PTPRD: variants seen among roughly 807,000 people sequenced by gnomAD.
PTPRD encodes receptor-type tyrosine-protein phosphatase delta.
In PTPRD, 34 loss-of-function variants were observed where a neutral mutation model predicts 214.5. That is an observed-to-expected ratio of 0.16 (90% CI 0.12 to 0.21). PTPRD has a LOEUF of 0.21. Among genes scored for constraint, PTPRD ranks in the 10% least tolerant of loss-of-function variants. The pLI is 1.00. For missense variants in PTPRD, 2,545 were observed against 2,398.7 expected, an observed-to-expected ratio of 1.06 and a Z score of -1.27; for synonymous variants, 1,128 against 845.7, an observed-to-expected ratio of 1.33 and a Z score of -5.79.
chr9:9,286,674 T>C (rs1447754134), intron 9 of PTPRD, among the ~76,000 whole-genome samples: 3 of 151,136 alleles, frequency 2.0e-5, no homozygotes, highest in Admixed American at 6.6e-5. Context: ...TTGCAATCCA[T>C]TGGCTCCTTG....
At chr9:8,772,110 TAAAAA>T (rs1415476896) in intron 11 of PTPRD, among the ~76,000 whole-genome samples, 2 of 150,484 alleles carry the variant, frequency 1.3e-5, no homozygotes, top group Admixed American at 6.6e-5. Flanking sequence ...AATTAAAACT[TAAAAA>T]AAAACTATTC....
chr9:8,604,908 C>A (rs1322371836), intron 14 of PTPRD, among the ~76,000 whole-genome samples: 1 of 152,140 alleles, frequency 6.6e-6, no homozygotes, highest in African/African-American at 2.4e-5. Flanking sequence ...CATTTAGGTG[C>A]AAATATCCAG....
chr9:8,851,733 T>C (rs2097819745), intron 11 of PTPRD, among the ~76,000 whole-genome samples: 1 of 152,162 alleles, frequency 6.6e-6, no homozygotes, highest in African/African-American at 2.4e-5. Context: ...TCATTACATG[T>C]ATGGTTATTC....
intron 4 of PTPRD, among the ~76,000 whole-genome samples, chr9:9,995,329 A>T (rs888507455): frequency 6.6e-6 from 1 of 152,196 alleles, no homozygotes; most frequent in East Asian, 1.9e-4. Flanking sequence ...GAGAACAATC[A>T]AACAAAAACA....
At chr9:10,242,261 C>T (rs2091227021) in intron 3 of PTPRD, among the ~76,000 whole-genome samples, 1 of 151,928 alleles carries the variant, frequency 6.6e-6, no homozygotes, top group Non-Finnish European at 1.5e-5. Context: ...TTTGCAATAA[C>T]ATAATTTCTG....
At chr9:9,875,915 G>C (rs762059863) in intron 5 of PTPRD, among the ~76,000 whole-genome samples, 1 of 152,230 alleles carries the variant, frequency 6.6e-6, no homozygotes, top group East Asian at 1.9e-4. Flanking sequence ...GTTTTCTCTA[G>C]TGAATGGAAG....
At chr9:8,749,816 G>T (rs994291287) in intron 11 of PTPRD, among the ~76,000 whole-genome samples, 1 of 152,146 alleles carries the variant, frequency 6.6e-6, no homozygotes, top group African/African-American at 2.4e-5. Context: ...AGACAGCAAG[G>T]TCCGGCTGGG....
At chr9:10,334,741 A>T (rs552701166) in intron 3 of PTPRD, among the ~76,000 whole-genome samples, 1 of 151,678 alleles carries the variant, frequency 6.6e-6, no homozygotes, top group South Asian at 2.1e-4. Context: ...GTCAACAAAG[A>T]AAAGTCACTT....
In PTPRD at chr9:8,702,150, TC is replaced by T. The variant is rs144001414; in HGVS notation, c.64+31629del. ...ACTTTCATAGCTTTTAATTTCCCTG[TC>T]AGACGGTTGCTTGGATTTTTCTGGA... is the stretch of plus-strand genomic sequence containing the variant. On this transcript the variant is annotated intron_variant, in intron 12 of 45. Coordinates refer to ENST00000381196, the MANE Select transcript of PTPRD (RefSeq NM_002839.4). Among the ~76,000 whole-genome samples the T allele has an allele frequency of 8.6e-3, 1,311 of 152,248 alleles. 13 individuals are homozygous for T. Among genetic ancestry groups the T allele is most frequent in the East Asian group, 0.033 (169 of 5,166 alleles).
chr9:8,748,226 G>A (rs1459081037), intron 11 of PTPRD, among the ~76,000 whole-genome samples: 1 of 152,106 alleles, frequency 6.6e-6, no homozygotes, highest in Non-Finnish European at 1.5e-5. Flanking sequence ...GATTTCCTAG[G>A]CGGAATAAGA....
intron 5 of PTPRD, among the ~76,000 whole-genome samples, chr9:9,817,274 C>T (rs528954404): frequency 4.6e-5 from 7 of 152,130 alleles, no homozygotes; most frequent in African/African-American, 1.7e-4. Flanking sequence ...TACTGTAAAC[C>T]AGACTAAATA....
intron 3 of PTPRD, among the ~76,000 whole-genome samples, chr9:10,245,314 G>C (rs1386474224): frequency 6.6e-6 from 1 of 152,152 alleles, no homozygotes; most frequent in East Asian, 1.9e-4. Flanking sequence ...AGGTTATAAG[G>C]TAAAGCCATA....
chr9:9,868,644 G>T (rs1437316886), intron 5 of PTPRD, among the ~76,000 whole-genome samples: 2 of 151,820 alleles, frequency 1.3e-5, no homozygotes, highest in Non-Finnish European at 2.9e-5. Context: ...AACGTGCAGT[G>T]TAACAGGGTT....
At chr9:10,167,611 G>A (rs1021230684) in intron 3 of PTPRD, among the ~76,000 whole-genome samples, 2 of 152,072 alleles carry the variant, frequency 1.3e-5, no homozygotes, top group South Asian at 2.1e-4. Context: ...GTGGATGTAC[G>A]GAGTTTTAAA....
intron 9 of PTPRD, among the ~76,000 whole-genome samples, chr9:9,322,100 G>C (rs1966842074): frequency 1.3e-5 from 2 of 152,170 alleles, no homozygotes; most frequent in Non-Finnish European, 2.9e-5. Context: ...AAGGCTCTAA[G>C]TGTACAGGCA....
intron 5 of PTPRD, among the ~76,000 whole-genome samples, chr9:9,877,283 C>A (rs1488038624): frequency 6.6e-6 from 1 of 151,978 alleles, no homozygotes; most frequent in Non-Finnish European, 1.5e-5. Flanking sequence ...TGTCTTGGGA[C>A]AAAATAAATA....
intron 2 of PTPRD, among the ~76,000 whole-genome samples, chr9:10,537,814 G>T (rs560831896): frequency 2.0e-5 from 3 of 152,154 alleles, no homozygotes; most frequent in African/African-American, 7.2e-5. Flanking sequence ...AACAAGCCAG[G>T]CTTTTCCTTA....
At chr9:9,981,439 C>A (rs947125694) in intron 4 of PTPRD, among the ~76,000 whole-genome samples, 2 of 150,732 alleles carry the variant, frequency 1.3e-5, no homozygotes, top group South Asian at 2.1e-4. Context: ...AGTGCAAGCT[C>A]CACCTCCAGG....
intron 2 of PTPRD, among the ~76,000 whole-genome samples, chr9:10,421,585 G>T (rs1040829162): frequency 1.3e-5 from 2 of 151,796 alleles, no homozygotes; most frequent in South Asian, 2.1e-4. Flanking sequence ...TATGAACGTG[G>T]TCCAGTTTAG....
Sources: gnomAD v4.1 joint callset for allele counts (sites outside exome capture counted in the v4.1 genomes callset) on GRCh38, gnomAD v4.1.1 for gene constraint, MANE v1.5 for transcripts, NCBI Gene and HGNC (gene_info 2026-07-23, HGNC 2026-07-21) for gene names.